The following KPNA4 variants were observed in gnomAD, a reference collection of about 807,000 sequenced individuals.
KPNA4 encodes the protein importin subunit alpha-3.
KPNA4 carries 13 observed loss-of-function variants against 71.3 expected under a neutral mutation model. The observed-to-expected ratio is 0.18, with a 90% CI of 0.12 to 0.29. KPNA4 has a LOEUF of 0.29. KPNA4 is among the 10% of genes least tolerant of loss of function. KPNA4 has a pLI of 1.00. For synonymous variants in KPNA4, 189 were observed against 195.2 expected, an observed-to-expected ratio of 0.97 and a Z score of 0.26; for missense variants, 334 against 603.2, an observed-to-expected ratio of 0.55 and a Z score of 4.67.
At chr3:160,564,852 G>A (rs1035428177) in intron 1 of KPNA4, among the ~76,000 whole-genome samples, 8 of 150,806 alleles carry the variant, frequency 5.3e-5, no homozygotes, top group African/African-American at 1.9e-4. Flanking sequence ...GCCACTGCCG[G>A]GGAAGGGGCC....
chr3:160,559,759 G>A (rs186101706), intron 1 of KPNA4, among the ~76,000 whole-genome samples: 49 of 152,024 alleles, frequency 3.2e-4, no homozygotes, highest in African/African-American at 1.0e-3. Flanking sequence ...CACACACTTC[G>A]ACCAAAACAG....
chr3:160,530,100 A>G (rs1457075198), intron 7 of KPNA4, among the ~76,000 whole-genome samples: 1 of 141,218 alleles, frequency 7.1e-6, no homozygotes, highest in Non-Finnish European at 1.5e-5. Flanking sequence ...GCATCACTGC[A>G]CTCCAGCCTG....
chr3:160,519,446 G>A (rs1198765770), intron 11 of KPNA4, among the ~76,000 whole-genome samples: 1 of 152,196 alleles, frequency 6.6e-6, no homozygotes. Context: ...GATACTGACT[G>A]AATATTTAAC....
At chr3:160,559,600 A>G (rs951229154) in intron 1 of KPNA4, among the ~76,000 whole-genome samples, 2 of 152,172 alleles carry the variant, frequency 1.3e-5, no homozygotes, top group Non-Finnish European at 2.9e-5. Flanking sequence ...GTGGCTTCAG[A>G]TTCTACATTG....
intron 1 of KPNA4, among the ~76,000 whole-genome samples, chr3:160,539,367 TAATC>T (rs1019248539): frequency 7.2e-5 from 11 of 152,196 alleles, no homozygotes; most frequent in Non-Finnish European, 8.8e-5. Flanking sequence ...CTATCTCATA[TAATC>T]ATTATAGCCT....
rs1328926043 is a variant in KPNA4, at chr3:160,525,832, G to T, written c.739C>A (p.Leu247Ile). ...METIQEILPA[L>I]CVLIHHTDVN... ...TCTGTGTGATGAATTAAAACACAAA[G>T]GGCTGGAAGAATCTGAGGAGAGAAA... Residue 247 changes from leucine (L) to isoleucine (I), a missense_variant, in exon 10 of 17, where the codon CTT becomes ATT. Physicochemically the swap from Leu to Ile is conservative, Grantham distance 5. Transcript: ENST00000334256. 1.3e-5 allele frequency: 20 copies of T among 1,569,440 alleles called. No individual in the cohort carries two copies. Among genetic ancestry groups the T allele is most frequent in the Non-Finnish European group, 1.6e-5 (19 of 1,158,020 alleles).
chr3:160,502,346 G>C (rs533943909), intron 16 of KPNA4, 144 bp from the exon 17 acceptor site: 3 of 352,134 alleles, frequency 8.5e-6, no homozygotes, highest in Admixed American at 4.6e-5. Flanking sequence ...TTAGAAAATT[G>C]AAACAGTTTA....
At chr3:160,542,676 T>C (rs994949087) in intron 1 of KPNA4, among the ~76,000 whole-genome samples, 5 of 152,182 alleles carry the variant, frequency 3.3e-5, no homozygotes, top group African/African-American at 2.4e-5. Context: ...GAAGTTCTAC[T>C]AGTGATGGGC....
At chr3:160,530,527 C>T (rs1721553087) in intron 7 of KPNA4, among the ~76,000 whole-genome samples, 1 of 151,974 alleles carries the variant, frequency 6.6e-6, no homozygotes, top group Non-Finnish European at 1.5e-5. Flanking sequence ...AAAAGAGAGG[C>T]TGAGAGGCAA....
In KPNA4 at chr3:160,555,728, G is replaced by C. The variant is rs1009306055; in HGVS notation, c.69+9486C>G. Among the ~76,000 whole-genome samples, 2 of 152,030 alleles carry C rather than the reference G, an allele frequency of 1.3e-5. 1 individual carries two copies. The highest frequency in any genetic ancestry group is 6.8e-3 in the Middle Eastern group (2 of 294). On this transcript the variant is annotated intron_variant, in intron 1 of 16. Coordinates refer to ENST00000334256, the MANE Select transcript of KPNA4 (RefSeq NM_002268.5). ...GAACTATTATACTTCATTTTATAGC[G>C]GAACAATACTCCATTGTATGCATAT... is the stretch of plus-strand genomic sequence containing the variant.
intron 1 of KPNA4, among the ~76,000 whole-genome samples, chr3:160,541,242 T>C (rs943450792): frequency 6.6e-6 from 1 of 152,228 alleles, no homozygotes; most frequent in Non-Finnish European, 1.5e-5. Context: ...AAATATGACA[T>C]AGTAATTACT....
chr3:160,526,741 T>C (rs573079220), intron 8 of KPNA4, among the ~76,000 whole-genome samples: 34 of 152,340 alleles, frequency 2.2e-4, no homozygotes, highest in African/African-American at 7.9e-4. Flanking sequence ...TATGAAGCCA[T>C]GTTGAAATGT....
chr3:160,517,450 C>T (rs1447338569), intron 11 of KPNA4, among the ~76,000 whole-genome samples: 2 of 152,014 alleles, frequency 1.3e-5, no homozygotes, highest in African/African-American at 4.8e-5. Context: ...TGTGGATATG[C>T]ATTTTCATTT....
chr3:160,537,221 T>TA (rs909871906), intron 1 of KPNA4, among the ~76,000 whole-genome samples: 35 of 143,520 alleles, frequency 2.4e-4, no homozygotes, highest in Middle Eastern at 3.6e-3. Context: ...TTCAACTATT[T>TA]AAAAAAAAAA....
intron 1 of KPNA4, among the ~76,000 whole-genome samples, chr3:160,562,133 C>T (rs1214589449): frequency 6.6e-6 from 1 of 152,118 alleles, no homozygotes; most frequent in Non-Finnish European, 1.5e-5. Context: ...ATACTCTGTA[C>T]ATGGGCTGTT....
intron 15 of KPNA4, among the ~76,000 whole-genome samples, chr3:160,505,600 TACTTA>T (rs1429322023): frequency 1.8e-4 from 28 of 152,194 alleles, no homozygotes; most frequent in African/African-American, 6.8e-4. Context: ...AAAAAGTATA[TACTTA>T]ACTTGTTGAT....
rs181889580 is a variant in KPNA4 at position 160,529,053 on chromosome 3, T to A, written c.470-1014A>T. 5.8e-3 allele frequency among the ~76,000 whole-genome samples: 883 copies of A among 152,230 alleles called. 10 individuals carry two copies. Among genetic ancestry groups the A allele is most frequent in the African/African-American group, 0.021 (853 of 41,544 alleles). On this transcript the variant is annotated intron_variant, in intron 7 of 16. Transcript: ENST00000334256. Reference sequence around the variant, plus strand: ...AAGTGATCCTCCTACCTCAGCCTCCTGGGTTGTTGGGACTATAGGTGCATG... The same window carrying A: ...AAGTGATCCTCCTACCTCAGCCTCCAGGGTTGTTGGGACTATAGGTGCATG...
At chr3:160,518,842 C>T (rs989273870) in intron 11 of KPNA4, among the ~76,000 whole-genome samples, 14 of 152,092 alleles carry the variant, frequency 9.2e-5, no homozygotes, top group African/African-American at 3.4e-4. Context: ...GCCTGGGCAA[C>T]AGAGCAAGAC....
chr3:160,503,254 C>A (rs1437271776), intron 16 of KPNA4, among the ~76,000 whole-genome samples: 1 of 151,944 alleles, frequency 6.6e-6, no homozygotes, highest in African/African-American at 2.4e-5. Flanking sequence ...CAATTAGAGA[C>A]AAATGGTATT....
Sources: gnomAD v4.1 joint callset for allele counts (sites outside exome capture counted in the v4.1 genomes callset) on GRCh38, gnomAD v4.1.1 for gene constraint, MANE v1.5 for transcripts, NCBI Gene and HGNC (gene_info 2026-07-23, HGNC 2026-07-21) for gene names.